The following HNRNPA2B1 variants were observed in gnomAD, a reference collection of about 807,000 sequenced individuals.
HNRNPA2B1 encodes heterogeneous nuclear ribonucleoprotein A2/B1.
A neutral mutation model predicts 46.3 loss-of-function variants in HNRNPA2B1; 3 were observed. That is an observed-to-expected ratio of 0.06 (90% CI 0.03 to 0.17). The LOEUF (loss-of-function observed/expected upper bound fraction) is 0.17, where lower values mean the gene tolerates loss of function less well. Among genes scored for constraint, HNRNPA2B1 ranks in the 10% least tolerant of loss-of-function variants. The pLI is 1.00. For synonymous variants in HNRNPA2B1, 225 were observed against 133.8 expected (o/e 1.68, Z -4.70); for missense variants, 221 against 418.9 (o/e 0.53, Z 4.12).
chr7:26,198,018 A>G (rs953083021), intron 1 of HNRNPA2B1: 32 of 415,482 alleles, frequency 7.7e-5, no homozygotes, highest in South Asian at 1.9e-4. Context: ...AATTATCTTA[A>G]ATTATTAATT....
In HNRNPA2B1 at chr7:26,195,389, T is replaced by G. The variant is rs115162760; in HGVS notation, c.721+458A>C. 2.9e-3 allele frequency among the ~76,000 whole-genome samples: 436 copies of G among 152,324 alleles called. 1 individual carries two copies. The highest frequency in any genetic ancestry group is 9.8e-3 in the African/African-American group (409 of 41,572). ...TTTAATGGTAGTTCACAACCTTATC[T>G]GCAGCCAGGAGCACACTAAACATTT... On this transcript the variant is annotated intron_variant, in intron 7 of 10. Transcript: ENST00000618183.
intron 9 of HNRNPA2B1, 46 bp downstream of exon 9, chr7:26,193,205 T>C: frequency 6.3e-7 from 1 of 1,577,244 alleles, no homozygotes; most frequent in Non-Finnish European, 8.7e-7. Context: ...AAAAGGCTAA[T>C]CCTTTAATCA....
Position 26,193,157 on chromosome 7 carries a change from T to C in HNRNPA2B1, c.964+94A>G, listed in dbSNP as rs184729456. 3 of 1,266,134 alleles carry C rather than the reference T, an allele frequency of 2.4e-6. No homozygotes were observed. The African/African-American group carries it at 4.5e-5, about 19-fold the overall frequency. The allele number at this position is 1,266,134 out of a possible 1,614,324, so 78.4% of individuals were successfully genotyped here. On this transcript the variant is annotated intron_variant, in intron 9 of 10. Transcript: ENST00000618183. ...ACCGTACATGGAGCACTGCCCACAG[T>C]ACAAACTACTTAGTATGTTATCTTC...
At chr7:26,195,775 T>A (rs747215258) in intron 7 of HNRNPA2B1, 72 bp downstream of exon 7, 42 of 1,506,886 alleles carry the variant, frequency 2.8e-5, no homozygotes, top group Non-Finnish European at 3.5e-5. Context: ...ACTCAAAATA[T>A]AAATGAAGTA....
At chr7:26,200,432 C>T in intron 1 of HNRNPA2B1, 140 bp downstream of exon 1, 2 of 852,170 alleles carry the variant, frequency 2.3e-6, no homozygotes, top group Non-Finnish European at 2.0e-6. Flanking sequence ...AGACCCCGTT[C>T]ATAAACCTTA....
At position 26,190,947 on chromosome 7, in the gene HNRNPA2B1, G is replaced by A. The variant is rs1229370607; in HGVS notation, c.*1413C>T. 1 of 152,564 alleles carries A rather than the reference G, an allele frequency of 6.6e-6. No homozygotes were observed. The highest frequency in any genetic ancestry group is 1.5e-5 in the Non-Finnish European group (1 of 68,010). The allele number at this position is 152,564 out of a possible 1,614,324, so 9.5% of individuals were successfully genotyped here. A position where few individuals can be genotyped will look rare whatever the true frequency, so the allele number is the denominator to read the frequency against. ...TGTGAATACACAAGGGTGTAACGAT[G>A]GGAAATCTCATGATTTATTGAACTT... is the stretch of plus-strand genomic sequence containing the variant. On this transcript the variant is annotated 3_prime_UTR_variant, in exon 11 of 11. Coordinates refer to ENST00000618183, the MANE Select transcript of HNRNPA2B1 (RefSeq NM_002137.4).
At position 26,192,649 on chromosome 7, in the gene HNRNPA2B1, G is replaced by GA. The variant is rs1390438156; in HGVS notation, c.965-73dup. On this transcript the variant is annotated intron_variant, in intron 9 of 10. Transcript: ENST00000618183. ...CCATGATCAGCCTAACACTACAGTT[G>GA]ATTCTATTTTATATCCATCCAGTCT... The GA allele has an allele frequency of 3.2e-6, 4 of 1,231,684 alleles. No individual in the cohort carries two copies. In the East Asian group the frequency reaches 9.3e-5, roughly 29 times the overall value. 76.3% of individuals were successfully genotyped at this position (1,231,684 alleles called of 1,614,324 possible). A position where few individuals can be genotyped will look rare whatever the true frequency, so the allele number is the denominator to read the frequency against.
intron 1 of HNRNPA2B1, 43 bp from the exon 2 acceptor site, chr7:26,197,775 T>C (rs778133067): frequency 1.3e-6 from 2 of 1,598,584 alleles, no homozygotes; most frequent in Non-Finnish European, 1.7e-6. Flanking sequence ...TACATTTTCC[T>C]CTTTGTATGC....
At chr7:26,198,661 C>G (rs1202245452) in intron 1 of HNRNPA2B1, 1 of 152,242 alleles carries the variant, frequency 6.6e-6, no homozygotes, top group Admixed American at 6.5e-5. Context: ...ATATGCTGTA[C>G]TACACAGCTG....
intron 1 of HNRNPA2B1, chr7:26,200,323 C>T: frequency 3.5e-6 from 2 of 563,562 alleles, no homozygotes; most frequent in South Asian, 4.1e-5. Flanking sequence ...GGGCAGCGTC[C>T]GCCATGTGAA....
At chr7:26,199,789 C>A (rs1365453612) in intron 1 of HNRNPA2B1, 1 of 152,176 alleles carries the variant, frequency 6.6e-6, no homozygotes, top group Non-Finnish European at 1.5e-5. Context: ...AAAATGGTTT[C>A]TTTGTCCTAC....
At chr7:26,200,536 C>A (rs770320364) in intron 1 of HNRNPA2B1, 36 bp downstream of exon 1, 10 of 1,610,954 alleles carry the variant, frequency 6.2e-6, no homozygotes, top group Non-Finnish European at 8.5e-6. Flanking sequence ...CCTCGCCATG[C>A]CCTTTTCAAT....
At chr7:26,198,154 C>T (rs1562720289) in intron 1 of HNRNPA2B1, 1 of 283,108 alleles carries the variant, frequency 3.5e-6, no homozygotes, top group Non-Finnish European at 6.4e-6. Flanking sequence ...TTTTAAACAT[C>T]AGAAAATAAC....
intron 1 of HNRNPA2B1, chr7:26,199,798 ACGGCTCGCATTGAACC>A (rs1784154838): frequency 6.6e-6 from 1 of 152,172 alleles, no homozygotes; most frequent in Non-Finnish European, 1.5e-5. Context: ...TCTTTGTCCT[ACGGCTCGCATTGAACC>A]CGGCCCGACG....
At position 26,190,113 on chromosome 7, in the gene HNRNPA2B1, T is replaced by C. The variant is rs1168965488; in HGVS notation, c.*2247A>G. Reference sequence around the variant, plus strand: ...GATTCACACATTTTATGTGTAAACATTACACCAAGTATTTGGATACAAAAA... The same window carrying C: ...GATTCACACATTTTATGTGTAAACACTACACCAAGTATTTGGATACAAAAA... On this transcript the variant is annotated 3_prime_UTR_variant, in exon 11 of 11. Transcript: ENST00000618183. 1 of 152,640 alleles carries C rather than the reference T, an allele frequency of 6.6e-6. No homozygotes were observed. The highest frequency in any genetic ancestry group is 1.5e-5 in the Non-Finnish European group (1 of 68,028). The allele number at this position is 152,640 out of a possible 1,614,324, so 9.5% of individuals were successfully genotyped here.
At position 26,196,929 on chromosome 7, in the gene HNRNPA2B1, T is replaced by C; in HGVS notation, c.353A>G (p.Asp118Gly). The change falls in exon 4 of 11, where the codon GAT becomes GGT. Residue 118 changes from aspartate (D) to glycine (G), a missense_variant. By Grantham distance (94) the Asp-to-Gly change is moderately conservative (BLOSUM62 -1). Around this residue, in one of 2 missense-constraint regions of HNRNPA2B1, gnomAD observed 78 missense variants for 218.5 expected, o/e 0.36. Coordinates refer to ENST00000618183, the MANE Select transcript of HNRNPA2B1 (RefSeq NM_002137.4). ...AATTTTTCCATATTCCTCAAAGTAATCTCTAAGGTGATGTTCCTCAGTATC... is the reference window on the plus strand; with the variant it reads ...AATTTTTCCATATTCCTCAAAGTAACCTCTAAGGTGATGTTCCTCAGTATC... Reference protein sequence around the residue: ...KEDTEEHHLRDYFEEYGKIDT... With the variant: ...KEDTEEHHLRGYFEEYGKIDT... 2.5e-6 allele frequency: 4 copies of C among 1,613,220 alleles called. No homozygotes were observed. Among genetic ancestry groups the C allele is most frequent in the Non-Finnish European group, 2.5e-6 (3 of 1,179,238 alleles).
At position 26,190,682 on chromosome 7, in the gene HNRNPA2B1, G is replaced by A. The variant is rs902512333; in HGVS notation, c.*1678C>T. 11 of 152,166 alleles carry A rather than the reference G, an allele frequency of 7.2e-5. No individual in the cohort carries two copies. The highest frequency in any genetic ancestry group is 1.5e-4 in the Non-Finnish European group (10 of 68,012). 9.4% of individuals were successfully genotyped at this position (152,166 alleles called of 1,614,324 possible). The stretch of plus-strand genomic sequence containing the variant: ...ACCTACAACTTTCTCTTCAGGGTAA[G>A]ACACTGAACTAGAATTACCACATTT... On this transcript the variant is annotated 3_prime_UTR_variant, in exon 11 of 11. Coordinates refer to ENST00000618183, the MANE Select transcript of HNRNPA2B1 (RefSeq NM_002137.4).
chr7:26,198,077 T>A (rs1014087938), intron 1 of HNRNPA2B1: 2 of 392,810 alleles, frequency 5.1e-6, no homozygotes, highest in African/African-American at 4.1e-5. Context: ...ACCGTGATTA[T>A]CAAAGGATTA....
In HNRNPA2B1 at chr7:26,190,266, T is replaced by C. The variant is rs1335423347; in HGVS notation, c.*2094A>G. 2 of 152,666 alleles carry C rather than the reference T, an allele frequency of 1.3e-5. No individual in the cohort carries two copies. The highest frequency in any genetic ancestry group is 2.4e-5 in the African/African-American group (1 of 41,476). The allele number at this position is 152,666 out of a possible 1,614,324, so 9.5% of individuals were successfully genotyped here. ...GTTACTGTTTTACAAACAACACTCA[T>C]TTTGTAATTGTTTTATATCAAGAAC... On this transcript the variant is annotated 3_prime_UTR_variant, in exon 11 of 11. Coordinates refer to ENST00000618183, the MANE Select transcript of HNRNPA2B1 (RefSeq NM_002137.4).
Sources: allele counts gnomAD v4.1 joint callset (sites outside exome capture counted in the v4.1 genomes callset), GRCh38; gene constraint gnomAD v4.1.1; regional missense constraint gnomAD v4.1.1; transcripts MANE v1.5; gene names NCBI Gene and HGNC (gene_info 2026-07-23, HGNC 2026-07-21).